IKZF3: variants seen among roughly 807,000 people sequenced by gnomAD.
IKZF3 encodes IKAROS family zinc finger 3.
A neutral mutation model predicts 49.0 loss-of-function variants in IKZF3; 10 were observed. The observed-to-expected ratio is 0.20, with a 90% confidence interval of 0.13 to 0.35. The LOEUF (loss-of-function observed/expected upper bound fraction) is 0.35. Ranked by LOEUF, IKZF3 falls within the 10% of genes least tolerant of loss-of-function variation. The pLI, the probability that IKZF3 is intolerant of heterozygous loss-of-function variation, is 1.00. For synonymous variants in IKZF3, 209 were observed against 228.2 expected, an observed-to-expected ratio of 0.92 and a Z score of 0.76; for missense variants, 498 against 664.8, an observed-to-expected ratio of 0.75 and a Z score of 2.76.
chr17:39,835,750 A>G (rs2062258558), intron 1 of IKZF3: 2 of 511,784 alleles, frequency 3.9e-6, no homozygotes, highest in Non-Finnish European at 7.6e-6. Context: ...CTGATCTTGT[A>G]AGCTTGCCAT....
At chr17:39,797,096 T>G (rs912394890) in intron 3 of IKZF3, among the ~76,000 whole-genome samples, 2 of 150,140 alleles carry the variant, frequency 1.3e-5, no homozygotes, top group Non-Finnish European at 3.0e-5. Context: ...ACCTGGGAAG[T>G]GGAGGTTGCA....
chr17:39,759,577 A>G lies in IKZF3; in HGVS notation c.*6213T>C, dbSNP rs891127854. On this transcript the variant is annotated 3_prime_UTR_variant, in exon 8 of 8. Transcript: ENST00000346872. The stretch of plus-strand genomic sequence containing the variant: ...TACTTTACAAGCTCTCAGAAGTTTA[A>G]AGCCCACAATTGTCCTTCAGGCTCT... The G allele has an allele frequency of 1.3e-5, 2 of 152,178 alleles. No individual in the cohort carries two copies. Among genetic ancestry groups the G allele is most frequent in the African/African-American group, 4.8e-5 (2 of 41,416 alleles). 9.4% of individuals were successfully genotyped at this position (152,178 alleles called of 1,614,324 possible).
intron 7 of IKZF3, among the ~76,000 whole-genome samples, chr17:39,767,273 G>A (rs2060317905): frequency 1.3e-5 from 2 of 152,036 alleles, no homozygotes; most frequent in South Asian, 4.1e-4. Flanking sequence ...ATATACTTGT[G>A]GTCACCCTCT....
At chr17:39,855,463 C>T (rs932791556) in intron 1 of IKZF3, among the ~76,000 whole-genome samples, 8 of 152,150 alleles carry the variant, frequency 5.3e-5, no homozygotes, top group East Asian at 1.9e-4. Context: ...AATTGGATTA[C>T]GTGTAAAAAT....
intron 3 of IKZF3, among the ~76,000 whole-genome samples, chr17:39,800,759 T>C (rs748917780): frequency 1.1e-4 from 16 of 152,138 alleles, no homozygotes; most frequent in Non-Finnish European, 1.6e-4. Context: ...GGTTATCACA[T>C]GAAAGGCTTG....
intron 1 of IKZF3, among the ~76,000 whole-genome samples, chr17:39,845,501 G>A (rs1228749168): frequency 6.6e-6 from 1 of 150,974 alleles, no homozygotes; most frequent in Non-Finnish European, 1.5e-5. Context: ...TCCAGCCTGG[G>A]CAACAGGCCA....
chr17:39,818,998 T>C (rs1275001579), intron 3 of IKZF3, among the ~76,000 whole-genome samples: 1 of 152,180 alleles, frequency 6.6e-6, no homozygotes, highest in Non-Finnish European at 1.5e-5. Flanking sequence ...CCTAGACCCC[T>C]AGCAACTGAG....
In IKZF3 at chr17:39,765,545, TAAA is replaced by T; in HGVS notation, c.*242_*244del. On this transcript the variant is annotated 3_prime_UTR_variant, in exon 8 of 8. Coordinates refer to ENST00000346872, the MANE Select transcript of IKZF3 (RefSeq NM_012481.5). ...AATGACCAAATACCTTTTTGGCTTT[TAAA>T]TTCCATAAAATTCAAGTCCCTGATG... 3 of 449,552 alleles carry T rather than the reference TAAA, an allele frequency of 6.7e-6. No individual in the cohort carries two copies. The highest frequency in any genetic ancestry group is 1.2e-5 in the Non-Finnish European group (3 of 251,816). 27.8% of individuals were successfully genotyped at this position (449,552 alleles called of 1,614,324 possible). A position where few individuals can be genotyped will look rare whatever the true frequency, so the allele number is the denominator to read the frequency against.
At position 39,860,001 on chromosome 17, in the gene IKZF3, G is replaced by A. The variant is rs146358102; in HGVS notation, c.7+4119C>T. On this transcript the variant is annotated intron_variant, in intron 1 of 7. Transcript: ENST00000346872. ...AATCCCAGCACTTGGGAAGGTTGAGGCGGAAGGATCACTTGTGGCCAAGAA... is the reference window on the plus strand; with the variant it reads ...AATCCCAGCACTTGGGAAGGTTGAGACGGAAGGATCACTTGTGGCCAAGAA... 3.8e-3 allele frequency among the ~76,000 whole-genome samples: 576 copies of A among 152,254 alleles called. 3 individuals are homozygous for A. The highest frequency in any genetic ancestry group is 5.4e-3 in the Non-Finnish European group (369 of 68,006).
intron 3 of IKZF3, among the ~76,000 whole-genome samples, chr17:39,797,413 TTTTC>T (rs201873500): frequency 0.019 from 2,891 of 150,854 alleles, 29 homozygotes; most frequent in Middle Eastern, 0.031. Flanking sequence ...CTCCTATGTC[TTTTC>T]TTTCTTTCTT....
rs576968384 is a variant in IKZF3, at chr17:39,763,219, C to A, written c.*2571G>T. On this transcript the variant is annotated 3_prime_UTR_variant, in exon 8 of 8. Transcript: ENST00000346872. ...ACTGTTGCCATGGAATTTCATAAAA[C>A]CTTTTTTCCTGAGACAGACGCCATG... 5 of 152,174 alleles carry A rather than the reference C, an allele frequency of 3.3e-5. No homozygotes were observed. The highest frequency in any genetic ancestry group is 1.2e-4 in the African/African-American group (5 of 41,442). The allele number at this position is 152,174 out of a possible 1,614,324, so 9.4% of individuals were successfully genotyped here. A position where few individuals can be genotyped will look rare whatever the true frequency, so the allele number is the denominator to read the frequency against.
In IKZF3 at chr17:39,764,464, CAA is replaced by C. The variant is rs71149801; in HGVS notation, c.*1324_*1325del. On this transcript the variant is annotated 3_prime_UTR_variant, in exon 8 of 8. Coordinates refer to ENST00000346872, the MANE Select transcript of IKZF3 (RefSeq NM_012481.5). ...TGGGCAACAGAGTGAGATCCTGTCT[CAA>C]AAAAAAAAAAAAAAAAAAAGTTAAA... 8.4e-4 allele frequency: 51 copies of C among 61,040 alleles called. No homozygotes were observed. Among genetic ancestry groups the C allele is most frequent in the Admixed American group, 9.7e-4 (5 of 5,180 alleles). 3.8% of individuals were successfully genotyped at this position (61,040 alleles called of 1,614,324 possible).
At chr17:39,797,025 C>T (rs757464184) in intron 3 of IKZF3, among the ~76,000 whole-genome samples, 3 of 151,452 alleles carry the variant, frequency 2.0e-5, no homozygotes, top group Non-Finnish European at 2.9e-5. Flanking sequence ...ATTAGCCAGG[C>T]GTGGTGGTGT....
At chr17:39,850,906 C>A (rs142577713) in intron 1 of IKZF3, among the ~76,000 whole-genome samples, 1 of 112,174 alleles carries the variant, frequency 8.9e-6, no homozygotes, top group Admixed American at 9.7e-5. Flanking sequence ...ATATTATATA[C>A]GTATATTATA....
At chr17:39,788,504 G>C in intron 5 of IKZF3, 130 bp from the exon 6 acceptor site, 1 of 627,412 alleles carries the variant, frequency 1.6e-6, no homozygotes, top group Non-Finnish European at 2.9e-6. Flanking sequence ...GGATACTTTT[G>C]AATCTATATT....
chr17:39,782,430 CAT>C (rs1019706141), intron 6 of IKZF3, among the ~76,000 whole-genome samples: 8 of 150,602 alleles, frequency 5.3e-5, no homozygotes, highest in Admixed American at 1.3e-4. Flanking sequence ...CACACACACA[CAT>C]ATCACACATA....
At chr17:39,783,953 A>G (rs2060809684) in intron 6 of IKZF3, among the ~76,000 whole-genome samples, 1 of 150,196 alleles carries the variant, frequency 6.7e-6, no homozygotes. Flanking sequence ...AAAACAAAAC[A>G]AAAAAAAATA....
chr17:39,817,527 C>T (rs1283322230), intron 3 of IKZF3, among the ~76,000 whole-genome samples: 2 of 152,050 alleles, frequency 1.3e-5, no homozygotes, highest in Non-Finnish European at 2.9e-5. Flanking sequence ...CAGCTTCAAA[C>T]GCCTGGGCTC....
intron 1 of IKZF3, among the ~76,000 whole-genome samples, chr17:39,842,005 C>T (rs1179932300): frequency 2.2e-5 from 3 of 135,574 alleles, no homozygotes; most frequent in Non-Finnish European, 4.6e-5. Context: ...ATGAAGGTGC[C>T]ACTGCACTCC....
Sources: allele counts gnomAD v4.1 joint callset (sites outside exome capture counted in the v4.1 genomes callset), GRCh38; gene constraint gnomAD v4.1.1; transcripts MANE v1.5; gene names NCBI Gene and HGNC (gene_info 2026-07-23, HGNC 2026-07-21).